Variants in KPNA4 observed in about 807,000 individuals in gnomAD.
The protein encoded by KPNA4 is importin subunit alpha-3.
A neutral mutation model predicts 71.3 loss-of-function variants in KPNA4; 13 were observed. The ratio of observed to expected loss-of-function variants is 0.18; its 90% CI spans 0.12 to 0.29. The LOEUF is 0.29. Among genes scored for constraint, KPNA4 ranks in the 10% least tolerant of loss-of-function variants. The pLI is 1.00. For synonymous variants in KPNA4, 189 were observed against 195.2 expected (o/e 0.97, Z 0.26); for missense variants, 334 against 603.2 (o/e 0.55, Z 4.67).
intron 1 of KPNA4, among the ~76,000 whole-genome samples, chr3:160,538,728 T>C (rs1291343000): frequency 2.0e-5 from 3 of 152,096 alleles, no homozygotes; most frequent in Admixed American, 2.0e-4. Flanking sequence ...GCTCCTACCA[T>C]TATCTTCATT....
At position 160,564,722 on chromosome 3, in the gene KPNA4, T is replaced by A. The variant is rs566540599; in HGVS notation, c.69+492A>T. On this transcript the variant is annotated intron_variant, in intron 1 of 16. Transcript: ENST00000334256. ...AAAAATGCCTTTAAGTGGAGACGCC[T>A]CGGGCCTCGCTGAGGAAGTTCAGAG... 3 of 152,058 alleles carry A rather than the reference T, an allele frequency of 2.0e-5. No individual in the cohort carries two copies. The South Asian group carries it at 6.2e-4, about 32-fold the overall frequency. 9.4% of individuals were successfully genotyped at this position (152,058 alleles called of 1,614,324 possible). A position where few individuals can be genotyped will look rare whatever the true frequency, so the allele number is the denominator to read the frequency against.
At chr3:160,503,004 G>A (rs1380320756) in intron 16 of KPNA4, among the ~76,000 whole-genome samples, 3 of 152,058 alleles carry the variant, frequency 2.0e-5, no homozygotes, top group Admixed American at 2.0e-4. Context: ...CCAGCTACTT[G>A]GGAGGTTGAG....
chr3:160,513,871 C>T (rs1721150910), intron 13 of KPNA4, among the ~76,000 whole-genome samples: 1 of 152,018 alleles, frequency 6.6e-6, no homozygotes, highest in Non-Finnish European at 1.5e-5. Flanking sequence ...ACAGAAAGGG[C>T]TAGGATTTGC....
intron 14 of KPNA4, among the ~76,000 whole-genome samples, chr3:160,508,895 C>T (rs1429481327): frequency 6.6e-6 from 1 of 152,172 alleles, no homozygotes; most frequent in Non-Finnish European, 1.5e-5. Flanking sequence ...GGCTACCTCT[C>T]AATTCACTAT....
intron 1 of KPNA4, among the ~76,000 whole-genome samples, chr3:160,540,771 G>C (rs1326527813): frequency 6.6e-6 from 1 of 152,210 alleles, no homozygotes; most frequent in Non-Finnish European, 1.5e-5. Flanking sequence ...CTGGCCAAAG[G>C]CTTATGTATA....
chr3:160,557,956 A>T (rs1722173530), intron 1 of KPNA4, among the ~76,000 whole-genome samples: 1 of 152,236 alleles, frequency 6.6e-6, no homozygotes, highest in South Asian at 2.1e-4. Flanking sequence ...CAATAGGATT[A>T]CAGGCATGAG....
intron 15 of KPNA4, among the ~76,000 whole-genome samples, chr3:160,505,927 A>G (rs1011601161): frequency 3.3e-5 from 5 of 152,188 alleles, no homozygotes; most frequent in African/African-American, 4.8e-5. Flanking sequence ...ACTGTCCAAA[A>G]CACAATTTGT....
chr3:160,555,198 T>C (rs528288364), intron 1 of KPNA4, among the ~76,000 whole-genome samples: 3 of 152,360 alleles, frequency 2.0e-5, no homozygotes, highest in African/African-American at 7.2e-5. Flanking sequence ...ACACATCTGG[T>C]GTCAGAAGTA....
At position 160,526,079 on chromosome 3, in the gene KPNA4, G is replaced by C; in HGVS notation, c.585C>G (p.Val195=). The change falls in exon 9 of 17, where the codon GTC becomes GTG. Residue 195 remains valine, a synonymous_variant. Transcript: ENST00000334256. Reference sequence around the variant, plus strand: ...AAGGTTTCACAACTCCAAGACTTATGACATAATCTCTACACTGGGGCCCAT... The same window carrying C: ...AAGGTTTCACAACTCCAAGACTTATCACATAATCTCTACACTGGGGCCCAT... ...IGDGPQCRDY[V]ISLGVVKPLL... 6.3e-7 allele frequency: 1 copy of C among 1,579,512 alleles called. No homozygotes were observed. Among genetic ancestry groups the C allele is most frequent in the Non-Finnish European group, 8.6e-7 (1 of 1,166,222 alleles).
intron 1 of KPNA4, among the ~76,000 whole-genome samples, chr3:160,553,758 T>C (rs2108560403): frequency 6.6e-6 from 1 of 152,314 alleles, no homozygotes; most frequent in East Asian, 1.9e-4. Flanking sequence ...ATCCTAGGTG[T>C]TCCCACATTA....
At chr3:160,514,035 C>A in intron 13 of KPNA4, 42 bp downstream of exon 13, 1 of 1,184,580 alleles carries the variant, frequency 8.4e-7, no homozygotes, top group South Asian at 1.6e-5. Flanking sequence ...ATCCCCTTCC[C>A]CTTACATCAG....
intron 1 of KPNA4, among the ~76,000 whole-genome samples, chr3:160,538,695 T>A (rs1414126738): frequency 1.3e-5 from 2 of 152,154 alleles, no homozygotes; most frequent in African/African-American, 2.4e-5. Flanking sequence ...ATTCCTTCCC[T>A]AAATACCACT....
In KPNA4 at chr3:160,565,559, G is replaced by T; in HGVS notation, c.-277C>A. 1.9e-6 allele frequency: 1 copy of T among 527,050 alleles called. No homozygotes were observed. Among genetic ancestry groups the T allele is most frequent in the South Asian group, 2.6e-5 (1 of 39,196 alleles). 32.6% of individuals were successfully genotyped at this position (527,050 alleles called of 1,614,324 possible). ...ATGTGCTGCCGGCTGAGAGGGGGAG[G>T]CAGCCTCGATCTGAGGGCCCCGGCG... On this transcript the variant is annotated 5_prime_UTR_variant, in exon 1 of 17. Transcript: ENST00000334256.
chr3:160,556,856 G>A (rs1722147295), intron 1 of KPNA4, among the ~76,000 whole-genome samples: 1 of 152,170 alleles, frequency 6.6e-6, no homozygotes, highest in African/African-American at 2.4e-5. Context: ...GATCAACAAT[G>A]AACCCAATTC....
At position 160,501,300 on chromosome 3, in the gene KPNA4, CA is replaced by C. The variant is rs1720875278; in HGVS notation, c.*803del. 2.4e-5 allele frequency: 2 copies of C among 82,526 alleles called. No individual in the cohort carries two copies. The highest frequency in any genetic ancestry group is 4.8e-5 in the African/African-American group (1 of 21,008). 5.1% of individuals were successfully genotyped at this position (82,526 alleles called of 1,614,324 possible). A position where few individuals can be genotyped will look rare whatever the true frequency, so the allele number is the denominator to read the frequency against. On this transcript the variant is annotated 3_prime_UTR_variant, in exon 17 of 17. Transcript: ENST00000334256. ...AAACTAAAAAAAAAGAAAAGAAAAG[CA>C]AAAAAGAAAAAAAAAAGGATTGGGT...
chr3:160,534,654 T>G (rs375442594), intron 5 of KPNA4, among the ~76,000 whole-genome samples: 5 of 140,964 alleles, frequency 3.5e-5, no homozygotes, highest in Non-Finnish European at 7.5e-5. Flanking sequence ...GAGGCAGAGG[T>G]TGCAGTGAGC....
chr3:160,563,892 T>G (rs1193014262), intron 1 of KPNA4, among the ~76,000 whole-genome samples: 1 of 152,112 alleles, frequency 6.6e-6, no homozygotes, highest in African/African-American at 2.4e-5. Flanking sequence ...GGACACTTAG[T>G]CGTCCCTCAA....
chr3:160,557,383 T>A (rs540159584), intron 1 of KPNA4, among the ~76,000 whole-genome samples: 1 of 152,296 alleles, frequency 6.6e-6, no homozygotes, highest in East Asian at 1.9e-4. Flanking sequence ...AGAGTAGATA[T>A]GTGCAAACTA....
At chr3:160,545,664 C>G (rs1312594516) in intron 1 of KPNA4, among the ~76,000 whole-genome samples, 1 of 152,130 alleles carries the variant, frequency 6.6e-6, no homozygotes, top group African/African-American at 2.4e-5. Context: ...GGGGGATGAG[C>G]AAAGGAGAGA....
Sources: gnomAD v4.1 joint callset for allele counts (sites outside exome capture counted in the v4.1 genomes callset) on GRCh38, gnomAD v4.1.1 for gene constraint, MANE v1.5 for transcripts, NCBI Gene and HGNC (gene_info 2026-07-23, HGNC 2026-07-21) for gene names.